Variants in VWA3A observed in about 807,000 individuals in gnomAD.
VWA3A encodes the protein von Willebrand factor A domain containing 3A.
VWA3A carries 134 observed loss-of-function variants against 160.4 expected under a neutral mutation model. The observed-to-expected ratio is 0.84, with a 90% confidence interval of 0.73 to 0.96. The LOEUF is 0.96. VWA3A is among the 40% of genes least tolerant of loss of function. The pLI is 0.00. For synonymous variants in VWA3A, 476 were observed against 543.4 expected (o/e 0.88, Z 1.72); for missense variants, 1,310 against 1,447.9 (o/e 0.90, Z 1.55).
At chr16:22,113,542 T>A (rs1245105578) in intron 8 of VWA3A, among the ~76,000 whole-genome samples, 1 of 150,810 alleles carries the variant, frequency 6.6e-6, no homozygotes, top group Non-Finnish European at 1.5e-5. Context: ...TGTACTATTG[T>A]TGATTTTTCT....
At chr16:22,150,081 A>AAG (rs773016875) in intron 29 of VWA3A, 150 bp downstream of exon 29, 2 of 1,205,552 alleles carry the variant, frequency 1.7e-6, no homozygotes, top group Non-Finnish European at 2.2e-6. Flanking sequence ...CGAGTGAGAA[A>AAG]AGGATTCTCA....
At chr16:22,132,844 C>G in intron 19 of VWA3A, 56 bp from the exon 20 acceptor site, 1 of 1,556,582 alleles carries the variant, frequency 6.4e-7, no homozygotes, top group Non-Finnish European at 8.7e-7. Flanking sequence ...TGCCCAGAGC[C>G]CCACAGCTTC....
Position 22,100,208 on chromosome 16 carries a change from T to C in VWA3A, c.240T>C (p.Ser80=), listed in dbSNP as rs1598044273. ...TTGTCTTGCAGAGGCTGCAGGGGAG[T>C]GAGACCCAGTCTTCAGATTGGGAGG... The part of the protein sequence containing the change: ...QTQDLLRLQG[S]ETQSSDWEDS... Residue 80 remains serine (S), a synonymous_variant, in exon 4 of 34, where the codon AGT becomes AGC. Transcript: ENST00000389398. 2.6e-6 allele frequency: 4 copies of C among 1,547,960 alleles called. No individual in the cohort carries two copies. The highest frequency in any genetic ancestry group is 3.5e-6 in the Non-Finnish European group (4 of 1,146,076).
At chr16:22,103,249 G>T (rs1567527892) in intron 5 of VWA3A, among the ~76,000 whole-genome samples, 1 of 151,986 alleles carries the variant, frequency 6.6e-6, no homozygotes, top group Non-Finnish European at 1.5e-5. Flanking sequence ...GCTTAAGCTG[G>T]TCTTGAACTC....
At chr16:22,151,638 G>A (rs2046349897) in intron 30 of VWA3A, among the ~76,000 whole-genome samples, 2 of 152,158 alleles carry the variant, frequency 1.3e-5, no homozygotes, top group Admixed American at 6.6e-5. Flanking sequence ...TTGGGAGACT[G>A]AGGTGGGAGG....
intron 11 of VWA3A, among the ~76,000 whole-genome samples, chr16:22,118,302 T>C (rs2045677597): frequency 6.6e-6 from 1 of 151,632 alleles, no homozygotes; most frequent in South Asian, 2.1e-4. Context: ...ACAAAATAAA[T>C]AAATTATTAT....
chr16:22,125,060 C>G (rs546858231), intron 16 of VWA3A, among the ~76,000 whole-genome samples: 3 of 151,988 alleles, frequency 2.0e-5, no homozygotes, highest in Admixed American at 6.6e-5. Context: ...TACTTGCTCA[C>G]CTGGTTTTCG....
chr16:22,150,937 G>T, intron 30 of VWA3A, 91 bp downstream of exon 30: 1 of 1,431,988 alleles, frequency 7.0e-7, no homozygotes, highest in Non-Finnish European at 9.3e-7. Context: ...TAATCTAGCT[G>T]CTCACTTAGA....
intron 12 of VWA3A, 80 bp downstream of exon 12, chr16:22,119,107 T>TA (rs2045692439): frequency 6.9e-7 from 1 of 1,447,444 alleles, no homozygotes; most frequent in Admixed American, 2.3e-5. Flanking sequence ...CACCTGTTCA[T>TA]AGGGGGCACA....
intron 8 of VWA3A, among the ~76,000 whole-genome samples, chr16:22,112,468 C>T (rs754748496): frequency 2.6e-5 from 4 of 152,180 alleles, no homozygotes; most frequent in African/African-American, 7.2e-5. Context: ...CCTGTAATCC[C>T]AGGACTTCGG....
At chr16:22,155,241 G>T (rs1040136428) in intron 31 of VWA3A, among the ~76,000 whole-genome samples, 30 of 152,036 alleles carry the variant, frequency 2.0e-4, no homozygotes, top group African/African-American at 7.0e-4. Flanking sequence ...ACTGAATAGC[G>T]CTGAGATAAG....
At chr16:22,117,373 G>A (rs2045666613) in intron 11 of VWA3A, among the ~76,000 whole-genome samples, 197 bp downstream of exon 11, 1 of 152,248 alleles carries the variant, frequency 6.6e-6, no homozygotes, top group Non-Finnish European at 1.5e-5. Context: ...ACAACCTGAA[G>A]TCACAAGAGA....
Position 22,092,660 on chromosome 16 carries a change from G to A in VWA3A, c.14+9G>A, listed in dbSNP as rs950831446. On this transcript the variant is annotated intron_variant, in intron 1 of 33. Transcript: ENST00000389398. The stretch of plus-strand genomic sequence containing the variant: ...TAAATGAAGAAATACAGGTGAGGGT[G>A]AGCATCACAAGGGTTGACAGGGGTG... The A allele has an allele frequency of 1.9e-6, 3 of 1,550,774 alleles. No individual in the cohort carries two copies. The highest frequency in any genetic ancestry group is 2.7e-5 in the African/African-American group (2 of 73,032).
chr16:22,138,266 G>A (rs1287836091), intron 21 of VWA3A, 94 bp from the exon 22 acceptor site: 8 of 1,434,556 alleles, frequency 5.6e-6, no homozygotes, highest in Non-Finnish European at 7.5e-6. Context: ...GACATCAGAG[G>A]TTCCAGTGGA....
rs183874221 is a variant in VWA3A at position 22,136,918 on chromosome 16, C to T, written c.2140-1442C>T. On this transcript the variant is annotated intron_variant, in intron 21 of 33. Transcript: ENST00000389398. Reference sequence around the variant, plus strand: ...ACGCACACACACACACACACACACACGCAAAATTAGCTGGGTGTGGTGGTG... The same window carrying T: ...ACGCACACACACACACACACACACATGCAAAATTAGCTGGGTGTGGTGGTG... Among the ~76,000 whole-genome samples the T allele has an allele frequency of 6.5e-3, 986 of 150,850 alleles. 3 individuals carry two copies. Among genetic ancestry groups the T allele is most frequent in the Middle Eastern group, 0.02 (6 of 294 alleles).
At chr16:22,100,051 G>T (rs1413930243) in intron 3 of VWA3A, 143 bp from the exon 4 acceptor site, 9 of 1,012,004 alleles carry the variant, frequency 8.9e-6, no homozygotes, top group Non-Finnish European at 1.3e-5. Context: ...CTCTAGCCTT[G>T]GTGACAAGAG....
At chr16:22,154,537 C>T (rs1045267467) in intron 31 of VWA3A, among the ~76,000 whole-genome samples, 23 of 151,716 alleles carry the variant, frequency 1.5e-4, no homozygotes, top group African/African-American at 5.3e-4. Context: ...TCATGTTGGC[C>T]AGGCTGGTCT....
At chr16:22,100,585 A>G (rs1247590163) in intron 5 of VWA3A, 92 bp downstream of exon 5, 30 of 1,310,928 alleles carry the variant, frequency 2.3e-5, no homozygotes, top group Non-Finnish European at 2.9e-5. Context: ...CTGTAATCCC[A>G]GTACTTTGGG....
chr16:22,120,508 G>T (rs1233140963), intron 12 of VWA3A, among the ~76,000 whole-genome samples: 1 of 152,104 alleles, frequency 6.6e-6, no homozygotes, highest in African/African-American at 2.4e-5. Flanking sequence ...ATTCATGAAG[G>T]CAGTGCTCAA....
Sources: allele counts gnomAD v4.1 joint callset (sites outside exome capture counted in the v4.1 genomes callset), GRCh38; gene constraint gnomAD v4.1.1; transcripts MANE v1.5; gene names NCBI Gene and HGNC (gene_info 2026-07-23, HGNC 2026-07-21).